WWTR1: variants seen among roughly 807,000 people sequenced by gnomAD.
The protein encoded by WWTR1 is WW domain-containing transcription regulator protein 1.
In WWTR1, 13 loss-of-function variants were observed where a neutral mutation model predicts 40.1. The ratio of observed to expected loss-of-function variants is 0.32; its 90% confidence interval spans 0.21 to 0.52. The LOEUF is 0.52. Ranked by LOEUF, WWTR1 falls within the 20% of genes least tolerant of loss-of-function variation. The pLI, the probability that WWTR1 is intolerant of heterozygous loss-of-function variation, is 0.97. For synonymous variants in WWTR1, 230 were observed against 210.1 expected (o/e 1.09, Z -0.82); for missense variants, 436 against 523.1 (o/e 0.83, Z 1.63).
intron 4 of WWTR1, among the ~76,000 whole-genome samples, chr3:149,531,011 TG>T (rs1451488995): frequency 2.0e-5 from 3 of 151,988 alleles, no homozygotes; most frequent in Non-Finnish European, 4.4e-5. Context: ...CTCAGCTCAC[TG>T]CAACCTTCAC....
At chr3:149,642,415 T>TCACACACAAACA (rs1712222864) in intron 2 of WWTR1, among the ~76,000 whole-genome samples, 1 of 146,102 alleles carries the variant, frequency 6.8e-6, no homozygotes, top group African/African-American at 2.5e-5. Flanking sequence ...CAAAACTCTG[T>TCACACACAAACA]CACACACACA....
chr3:149,612,191 T>G (rs1739764778), intron 2 of WWTR1, among the ~76,000 whole-genome samples: 1 of 152,178 alleles, frequency 6.6e-6, no homozygotes, highest in Non-Finnish European at 1.5e-5. Context: ...AATGCTTTTT[T>G]GGGGCATATC....
chr3:149,539,114 G>A (rs1265041891), intron 4 of WWTR1, among the ~76,000 whole-genome samples: 1 of 152,116 alleles, frequency 6.6e-6, no homozygotes, highest in South Asian at 2.1e-4. Flanking sequence ...TGGCATTGTG[G>A]TATACATCAA....
At chr3:149,681,593 A>G (rs1175755217) in intron 1 of WWTR1, among the ~76,000 whole-genome samples, 29 of 152,228 alleles carry the variant, frequency 1.9e-4, no homozygotes, top group Admixed American at 1.9e-3. Flanking sequence ...TAGAATTGAC[A>G]TCAGGATCTC....
chr3:149,598,375 CA>C (rs1739097910), intron 2 of WWTR1, among the ~76,000 whole-genome samples: 1 of 152,208 alleles, frequency 6.6e-6, no homozygotes, highest in Non-Finnish European at 1.5e-5. Context: ...TTATTATCCC[CA>C]TCTTATAAAT....
chr3:149,635,825 G>T (rs558941683), intron 2 of WWTR1, among the ~76,000 whole-genome samples: 36 of 152,154 alleles, frequency 2.4e-4, no homozygotes, highest in Non-Finnish European at 3.8e-4. Context: ...TTTATGACTT[G>T]GGCAGTTTTT....
intron 2 of WWTR1, among the ~76,000 whole-genome samples, chr3:149,644,723 A>T (rs1483054032): frequency 1.3e-5 from 2 of 152,254 alleles, no homozygotes; most frequent in African/African-American, 2.4e-5. Flanking sequence ...TATATGCATA[A>T]TAAATCCTTG....
chr3:149,533,623 C>T (rs1489043825), intron 4 of WWTR1, among the ~76,000 whole-genome samples: 1 of 152,200 alleles, frequency 6.6e-6, no homozygotes, highest in Non-Finnish European at 1.5e-5. Flanking sequence ...CAGAGCTTGG[C>T]ACCGAAAAGG....
chr3:149,642,098 A>G (rs565286634), intron 2 of WWTR1, among the ~76,000 whole-genome samples: 3 of 152,306 alleles, frequency 2.0e-5, no homozygotes, highest in Non-Finnish European at 4.4e-5. Context: ...TTTCTACAAT[A>G]TAGCCTTATG....
intron 1 of WWTR1, among the ~76,000 whole-genome samples, chr3:149,689,169 C>T (rs1714739491): frequency 6.6e-6 from 1 of 151,854 alleles, no homozygotes. Context: ...ATCACTTGAG[C>T]TCAGGAGTTC....
chr3:149,715,986 T>C (rs1331090926), intron 5 of WWTR1, among the ~76,000 whole-genome samples: 1 of 152,128 alleles, frequency 6.6e-6, no homozygotes, highest in African/African-American at 2.4e-5. Context: ...AGAAAATTGG[T>C]CTCAGGTTTG....
intron 2 of WWTR1, among the ~76,000 whole-genome samples, chr3:149,639,736 G>A (rs1194621774): frequency 6.6e-6 from 1 of 152,122 alleles, no homozygotes; most frequent in Admixed American, 6.5e-5. Context: ...GCTCACGCCT[G>A]TAATCCCAGC....
intron 3 of WWTR1, among the ~76,000 whole-genome samples, chr3:149,563,058 A>T (rs1329318752): frequency 1.3e-5 from 2 of 152,182 alleles, no homozygotes; most frequent in Non-Finnish European, 2.9e-5. Context: ...AATTCTCCAT[A>T]GCAAGGAAGC....
At chr3:149,710,580 C>CA (rs1438796487) in intron 5 of WWTR1, among the ~76,000 whole-genome samples, 6 of 84,428 alleles carry the variant, frequency 7.1e-5, no homozygotes, top group Admixed American at 2.3e-4. Context: ...TCCCCCCCCC[C>CA]CCTTTTTTTT....
chr3:149,694,494 C>T (rs188677687), intron 1 of WWTR1, among the ~76,000 whole-genome samples: 1 of 152,200 alleles, frequency 6.6e-6, no homozygotes, highest in Non-Finnish European at 1.5e-5. Flanking sequence ...AAATAATAAT[C>T]CAATTGAAAT....
chr3:149,522,935 G>T (rs1048506058), intron 6 of WWTR1, among the ~76,000 whole-genome samples: 1 of 151,708 alleles, frequency 6.6e-6, no homozygotes, highest in African/African-American at 2.4e-5. Flanking sequence ...GCATGGTGGC[G>T]CACCCCTGTA....
chr3:149,649,885 C>T (rs917909689), intron 2 of WWTR1: 1 of 144,408 alleles, frequency 6.9e-6, no homozygotes. Flanking sequence ...CCATTGCACT[C>T]CAGCCTAGGC....
At chr3:149,688,147 A>C (rs1384772281) in intron 1 of WWTR1, among the ~76,000 whole-genome samples, 1 of 151,990 alleles carries the variant, frequency 6.6e-6, no homozygotes, top group Non-Finnish European at 1.5e-5. Context: ...AAAGTTCCCA[A>C]TTCCAGGTCC....
At chr3:149,621,299 C>T (rs1740252937) in intron 2 of WWTR1, among the ~76,000 whole-genome samples, 1 of 152,120 alleles carries the variant, frequency 6.6e-6, no homozygotes, top group Non-Finnish European at 1.5e-5. Context: ...GACAGTAATT[C>T]TAATCACAGA....
Sources: allele counts gnomAD v4.1 joint callset (sites outside exome capture counted in the v4.1 genomes callset), GRCh38; gene constraint gnomAD v4.1.1; transcripts MANE v1.5; gene names NCBI Gene and HGNC (gene_info 2026-07-23, HGNC 2026-07-21).